KANSL1: variants seen among roughly 807,000 people sequenced by gnomAD.
KANSL1 encodes the protein KAT8 regulatory NSL complex subunit 1, also known as MLL1/MLL complex subunit KANSL1.
A neutral mutation model predicts 103.6 loss-of-function variants in KANSL1; 22 were observed. The ratio of observed to expected loss-of-function variants is 0.21; its 90% confidence interval spans 0.15 to 0.30. KANSL1 has a LOEUF of 0.30. Ranked by LOEUF, KANSL1 falls within the 10% of genes least tolerant of loss-of-function variation. The pLI, the probability that KANSL1 is intolerant of heterozygous loss-of-function variation, is 1.00. For missense variants in KANSL1, 1,337 were observed against 1,399.8 expected (o/e 0.96, Z 0.72); for synonymous variants, 600 against 527.6 (o/e 1.14, Z -1.88).
At chr17:46,177,057 T>C (rs1431709809) in intron 1 of KANSL1, among the ~76,000 whole-genome samples, 3 of 152,060 alleles carry the variant, frequency 2.0e-5, no homozygotes, top group Admixed American at 6.6e-5. Flanking sequence ...AAGATATTCA[T>C]AAGTAAGAGG....
intron 3 of KANSL1, 102 bp downstream of exon 3, chr17:46,094,458 T>C (rs2041977209): frequency 1.5e-6 from 2 of 1,351,830 alleles, no homozygotes; most frequent in Non-Finnish European, 2.0e-6. Context: ...TTGCAATAGT[T>C]AAGAAGAGGG....
intron 4 of KANSL1, among the ~76,000 whole-genome samples, chr17:46,068,842 G>A (rs2078475025): frequency 6.6e-6 from 1 of 152,140 alleles, no homozygotes; most frequent in South Asian, 2.1e-4. Context: ...CACCTCTGAG[G>A]TATAGGCAAT....
At chr17:46,166,013 A>T (rs1214461956) in intron 2 of KANSL1, among the ~76,000 whole-genome samples, 1 of 149,230 alleles carries the variant, frequency 6.7e-6, no homozygotes, top group East Asian at 2.1e-4. Context: ...GAGTTCTGAG[A>T]CCAGCCTGGG....
Position 46,039,125 on chromosome 17 carries a change from G to A in KANSL1, c.2294C>T (p.Ala765Val), listed in dbSNP as rs151099014. Residue 765 changes from alanine to valine, a missense_variant, in exon 9 of 15, where the codon GCG becomes GTG. Transcript: ENST00000432791. ...GTTGAGCAAGCGCTCTGCTTTTGGC[G>A]CTGTCACTCGCTCCACCATGGGCAC... is the stretch of plus-strand genomic sequence containing the variant. ...GAVPMVERVT[A>V]PKAERLLNPP... is the part of the protein sequence containing the mutation. The A allele has an allele frequency of 5.1e-4, 826 of 1,612,394 alleles. 1 individual carries two copies. Among genetic ancestry groups the A allele is most frequent in the Admixed American group, 6.5e-4 (39 of 59,568 alleles).
rs776071732 is a variant in KANSL1, at chr17:46,031,570, T to G, written c.3224A>C (p.Glu1075Ala). 8.1e-6 allele frequency: 13 copies of G among 1,614,106 alleles called. No homozygotes were observed. The highest frequency in any genetic ancestry group is 1.0e-5 in the Non-Finnish European group (12 of 1,180,016). The change falls in exon 15 of 15, where the codon GAG becomes GCG. Residue 1075 changes from glutamate (E) to alanine (A), a missense_variant. By Grantham distance (107) the Glu-to-Ala change is moderately radical. Transcript: ENST00000432791. Reference sequence around the variant, plus strand: ...AGGCGAGGTGGGCGCTGCCTCTGTCTCCCGGCCAGTCTTGCTGCCTGAGGT... The same window carrying G: ...AGGCGAGGTGGGCGCTGCCTCTGTCGCCCGGCCAGTCTTGCTGCCTGAGGT... ...RRTSGSKTGR[E>A]TEAAPTSPPI...
At chr17:46,036,481 A>G (rs1286702116) in intron 10 of KANSL1, among the ~76,000 whole-genome samples, 2 of 152,252 alleles carry the variant, frequency 1.3e-5, no homozygotes, top group South Asian at 2.1e-4. Context: ...ATTATTCTCT[A>G]AACAATACAG....
At chr17:46,046,171 A>AT (rs1284857189) in intron 7 of KANSL1, 2 of 152,308 alleles carry the variant, frequency 1.3e-5, no homozygotes, top group East Asian at 3.9e-4. Context: ...CCCATTAGCC[A>AT]TTTAGTTTTA....
chr17:46,059,211 A>T (rs111372048), intron 6 of KANSL1, among the ~76,000 whole-genome samples: 1 of 152,062 alleles, frequency 6.6e-6, no homozygotes, highest in Non-Finnish European at 1.5e-5. Flanking sequence ...CCAAAGAAAA[A>T]GCTGAAGTTG....
chr17:46,078,445 A>G (rs1482058890), intron 4 of KANSL1, among the ~76,000 whole-genome samples: 1 of 152,236 alleles, frequency 6.6e-6, no homozygotes, highest in East Asian at 1.9e-4. Context: ...AAAGGGGCTC[A>G]AATAGATTGT....
At chr17:46,176,715 C>A (rs1420506178) in intron 1 of KANSL1, among the ~76,000 whole-genome samples, 1 of 151,934 alleles carries the variant, frequency 6.6e-6, no homozygotes, top group Non-Finnish European at 1.5e-5. Flanking sequence ...AAAATCCCAT[C>A]TACTCCAAGA....
chr17:46,201,075 C>A (rs769540998), intron 1 of KANSL1, among the ~76,000 whole-genome samples: 3 of 152,140 alleles, frequency 2.0e-5, no homozygotes, highest in Non-Finnish European at 4.4e-5. Context: ...CCATGCCCGG[C>A]TAATCTTTGT....
At chr17:46,115,581 G>A (rs996853924) in intron 2 of KANSL1, among the ~76,000 whole-genome samples, 2 of 151,940 alleles carry the variant, frequency 1.3e-5, no homozygotes, top group Non-Finnish European at 2.9e-5. Flanking sequence ...ATGCATATAC[G>A]GGTTTTCAGT....
At chr17:46,105,911 A>ACACACACACACC in intron 2 of KANSL1, among the ~76,000 whole-genome samples, 1 of 71,068 alleles carries the variant, frequency 1.4e-5, no homozygotes, top group African/African-American at 5.8e-5. Context: ...GCCTTGACAC[A>ACACACACACACC]CACACACACA....
At chr17:46,141,080 A>C (rs2044396918) in intron 2 of KANSL1, among the ~76,000 whole-genome samples, 1 of 152,256 alleles carries the variant, frequency 6.6e-6, no homozygotes, top group Non-Finnish European at 1.5e-5. Flanking sequence ...TTTAAAAAAA[A>C]AAAAAGACAA....
At chr17:46,071,207 T>C (rs1273979478) in intron 4 of KANSL1, among the ~76,000 whole-genome samples, 1 of 152,168 alleles carries the variant, frequency 6.6e-6, no homozygotes, top group Non-Finnish European at 1.5e-5. Context: ...AACACATTAT[T>C]AACATGGAAA....
intron 2 of KANSL1, among the ~76,000 whole-genome samples, chr17:46,105,947 A>ACCCCCCCC (rs67725690): frequency 6.9e-5 from 4 of 57,780 alleles, no homozygotes; most frequent in African/African-American, 2.6e-4. Context: ...ACACACACAC[A>ACCCCCCCC]CCCCCCCAGA....
At position 46,199,040 on chromosome 17, in the gene KANSL1, A is replaced by G. The variant is rs2047708183; in HGVS notation, c.-90+24631T>C. Among the ~76,000 whole-genome samples, 3 of 152,198 alleles carry G rather than the reference A, an allele frequency of 2.0e-5. No homozygotes were observed. In the South Asian group the frequency reaches 6.2e-4, roughly 32 times the overall value. On this transcript the variant is annotated intron_variant, in intron 1 of 14. Coordinates refer to the KANSL1 transcript ENST00000572904. ...TGAAACTGAGGCATGTTCTCACATT[A>G]ATATTTAACCAGCTAAATATTAAAT...
At chr17:46,175,354 GTGTGT>G in intron 1 of KANSL1, among the ~76,000 whole-genome samples, 1 of 146,464 alleles carries the variant, frequency 6.8e-6, no homozygotes, top group South Asian at 2.1e-4. Context: ...GTGTGTGTGT[GTGTGT>G]GTGTTTCTGA....
intron 2 of KANSL1, 56 bp from the exon 3 acceptor site, chr17:46,094,757 T>A: frequency 6.2e-7 from 1 of 1,602,440 alleles, no homozygotes; most frequent in African/African-American, 1.3e-5. Context: ...CTATACCAGA[T>A]TGGGGGGTGG....
Sources: allele counts gnomAD v4.1 joint callset (sites outside exome capture counted in the v4.1 genomes callset), GRCh38; gene constraint gnomAD v4.1.1; transcripts MANE v1.5; gene names NCBI Gene and HGNC (gene_info 2026-07-23, HGNC 2026-07-21).